GRID2: variants seen among roughly 807,000 people sequenced by gnomAD.
GRID2 encodes the protein glutamate ionotropic receptor delta type subunit 2, also known as glutamate receptor ionotropic, delta-2.
A neutral mutation model predicts 114.8 loss-of-function variants in GRID2; 33 were observed. The ratio of observed to expected loss-of-function variants is 0.29; its 90% CI spans 0.22 to 0.38. GRID2 has a LOEUF of 0.38. Among genes scored for constraint, GRID2 ranks in the 10% least tolerant of loss-of-function variants. GRID2 has a pLI of 1.00. For synonymous variants in GRID2, 505 were observed against 449.9 expected, an observed-to-expected ratio of 1.12 and a Z score of -1.55; for missense variants, 1,184 against 1,257.7, an observed-to-expected ratio of 0.94 and a Z score of 0.89.
chr4:93,019,776 T>A (rs1723103642), intron 2 of GRID2, among the ~76,000 whole-genome samples: 1 of 152,156 alleles, frequency 6.6e-6, no homozygotes, highest in African/African-American at 2.4e-5. Context: ...TTGTATAAAA[T>A]TCAAAACTTG....
chr4:92,644,886 ATATGT>A (rs548246488), intron 2 of GRID2, among the ~76,000 whole-genome samples: 122 of 151,644 alleles, frequency 8.0e-4, no homozygotes, highest in African/African-American at 2.7e-3. Flanking sequence ...TGTGCAACAG[ATATGT>A]TATGTAATTA....
At chr4:93,549,268 A>G (rs1424078055) in intron 13 of GRID2, among the ~76,000 whole-genome samples, 1 of 152,216 alleles carries the variant, frequency 6.6e-6, no homozygotes, top group Admixed American at 6.5e-5. Context: ...TTGTGCTTGC[A>G]TTTACTTATA....
chr4:92,381,512 T>C (rs1729616671), intron 1 of GRID2, among the ~76,000 whole-genome samples: 1 of 152,008 alleles, frequency 6.6e-6, no homozygotes, highest in Non-Finnish European at 1.5e-5. Context: ...AAGTGTTTTT[T>C]TTTTTCCAGC....
intron 8 of GRID2, among the ~76,000 whole-genome samples, chr4:93,327,507 T>G (rs1757961620): frequency 6.6e-6 from 1 of 152,130 alleles, no homozygotes; most frequent in African/African-American, 2.4e-5. Flanking sequence ...CTCCCTTGTA[T>G]AGTCAGTATA....
rs548317698 is a variant in GRID2, at chr4:93,466,197, G to A, written c.1858+10223G>A. Among the ~76,000 whole-genome samples, 16 of 152,322 alleles carry A rather than the reference G, an allele frequency of 1.1e-4. 1 individual carries two copies. The South Asian group carries it at 1.4e-3, about 14-fold the overall frequency. On this transcript the variant is annotated intron_variant, in intron 11 of 15. Transcript: ENST00000282020. ...TAAGCAATGTTCACAAACTGCCACT[G>A]ATGGCAGTCTGAAACCATATGGGCT...
At chr4:93,354,815 GATATAT>G (rs34883996) in intron 8 of GRID2, among the ~76,000 whole-genome samples, 4 of 140,206 alleles carry the variant, frequency 2.9e-5, no homozygotes, top group South Asian at 2.2e-4. Flanking sequence ...TTATAAATAA[GATATAT>G]ATATATATAT....
chr4:93,698,456 T>C (rs538578292), intron 14 of GRID2, among the ~76,000 whole-genome samples: 1 of 152,072 alleles, frequency 6.6e-6, no homozygotes, highest in Non-Finnish European at 1.5e-5. Context: ...AAAATAAATA[T>C]GTAAAAGTAA....
intron 2 of GRID2, among the ~76,000 whole-genome samples, chr4:92,768,218 A>G (rs891599584): frequency 6.6e-6 from 1 of 152,158 alleles, no homozygotes; most frequent in Admixed American, 6.5e-5. Context: ...ATGTTTTTCT[A>G]TTGTTATATG....
intron 4 of GRID2, among the ~76,000 whole-genome samples, chr4:93,131,600 A>G (rs1734808027): frequency 9.9e-6 from 1 of 101,514 alleles, no homozygotes; most frequent in Non-Finnish European, 1.8e-5. Flanking sequence ...AAAAATTAAA[A>G]ATTTTATTTA....
intron 10 of GRID2, among the ~76,000 whole-genome samples, chr4:93,431,076 A>T (rs943528750): frequency 6.6e-6 from 1 of 152,208 alleles, no homozygotes; most frequent in Non-Finnish European, 1.5e-5. Flanking sequence ...AACAGAATTT[A>T]TTGGCTAAAG....
intron 13 of GRID2, among the ~76,000 whole-genome samples, chr4:93,518,073 A>ATT (rs1729981515): frequency 1.6e-5 from 1 of 63,800 alleles, no homozygotes; most frequent in Non-Finnish European, 2.6e-5. Context: ...TAGTATATAC[A>ATT]TATATATATA....
At chr4:93,588,413 G>A (rs1560783685) in intron 13 of GRID2, among the ~76,000 whole-genome samples, 1 of 152,092 alleles carries the variant, frequency 6.6e-6, no homozygotes. Flanking sequence ...TTAGGGTTCA[G>A]AGTTATAGAT....
In GRID2 at chr4:93,037,491, G is replaced by A. The variant is rs573238777; in HGVS notation, c.245-47504G>A. On this transcript the variant is annotated intron_variant, in intron 2 of 15. Transcript: ENST00000282020. ...GGCTTTTGTTGCTATTGCTTGTGGT[G>A]TTTTCATCAGGAAGTCCTTGCCCAT... Among the ~76,000 whole-genome samples the A allele has an allele frequency of 3.9e-5, 6 of 152,220 alleles. No homozygotes were observed. The East Asian group carries it at 9.6e-4, about 24-fold the overall frequency.
intron 2 of GRID2, among the ~76,000 whole-genome samples, chr4:92,862,971 A>G (rs1323909723): frequency 1.3e-5 from 2 of 152,056 alleles, no homozygotes; most frequent in Non-Finnish European, 2.9e-5. Flanking sequence ...ATTATTTACC[A>G]GTAATTATCT....
At chr4:92,935,080 C>A (rs951430110) in intron 2 of GRID2, among the ~76,000 whole-genome samples, 1 of 146,778 alleles carries the variant, frequency 6.8e-6, no homozygotes, top group Admixed American at 7.4e-5. Flanking sequence ...GCAGAAGAAA[C>A]TAGCATCAGA....
intron 2 of GRID2, among the ~76,000 whole-genome samples, chr4:93,083,994 A>T (rs1305763764): frequency 6.6e-6 from 1 of 152,138 alleles, no homozygotes; most frequent in African/African-American, 2.4e-5. Context: ...TTAAAGAACT[A>T]TGTAAAACAA....
chr4:93,224,354 G>A (rs573789098), intron 6 of GRID2, among the ~76,000 whole-genome samples: 85 of 152,024 alleles, frequency 5.6e-4, no homozygotes, highest in Non-Finnish European at 2.1e-4. Context: ...TATCTCTGTC[G>A]AAATTTCTTT....
At chr4:92,927,891 C>G (rs938991471) in intron 2 of GRID2, among the ~76,000 whole-genome samples, 1 of 151,630 alleles carries the variant, frequency 6.6e-6, no homozygotes. Context: ...TTGCATTATA[C>G]TTACCAGTTG....
chr4:93,771,195 A>G (rs12505322), intron 15 of GRID2, among the ~76,000 whole-genome samples: 62,177 of 152,032 alleles, frequency 0.41, 13,201 homozygotes, highest in East Asian at 0.74. Flanking sequence ...TATTTCTCAA[A>G]TATTGGGCGT....
Sources: allele counts gnomAD v4.1 joint callset (sites outside exome capture counted in the v4.1 genomes callset), GRCh38; gene constraint gnomAD v4.1.1; transcripts MANE v1.5; gene names NCBI Gene and HGNC (gene_info 2026-07-23, HGNC 2026-07-21).